The following METTL16 variants were observed in gnomAD, a reference collection of about 807,000 sequenced individuals.
METTL16 encodes methyltransferase 16, RNA N6-adenosine.
METTL16 carries 19 observed loss-of-function variants against 57.9 expected under a neutral mutation model. The ratio of observed to expected loss-of-function variants is 0.33; its 90% CI spans 0.23 to 0.48. The LOEUF is 0.48. METTL16 is among the 20% of genes least tolerant of loss of function. The probability of loss-of-function intolerance (pLI) is 0.99; values close to 1 mark genes in which losing one functional copy is unlikely to be tolerated. For synonymous variants in METTL16, 246 were observed against 255.6 expected (o/e 0.96, Z 0.36); for missense variants, 434 against 691.5 (o/e 0.63, Z 4.18).
At chr17:2,441,149 A>G (rs1372089251) in intron 7 of METTL16, among the ~76,000 whole-genome samples, 3 of 152,186 alleles carry the variant, frequency 2.0e-5, no homozygotes, top group Admixed American at 6.5e-5. Flanking sequence ...TTGTGTCTTC[A>G]GCAACATGGA....
intron 3 of METTL16, 113 bp from the exon 4 acceptor site, chr17:2,473,777 C>CT: frequency 7.8e-6 from 9 of 1,157,722 alleles, no homozygotes; most frequent in African/African-American, 3.1e-5. Context: ...CTCACTCTGT[C>CT]GCCCAGGCTA....
At chr17:2,502,601 T>C (rs569252583) in intron 1 of METTL16, among the ~76,000 whole-genome samples, 21 of 151,978 alleles carry the variant, frequency 1.4e-4, no homozygotes, top group African/African-American at 4.8e-4. Flanking sequence ...GGCAGGAGAA[T>C]TGCTTGAACC....
At chr17:2,492,771 C>G (rs562832229) in intron 2 of METTL16, among the ~76,000 whole-genome samples, 1 of 151,464 alleles carries the variant, frequency 6.6e-6, no homozygotes, top group South Asian at 2.1e-4. Context: ...GTGGTTGGCA[C>G]CTATAATCCC....
chr17:2,446,076 C>G (rs1012458127), intron 6 of METTL16, among the ~76,000 whole-genome samples: 1 of 152,090 alleles, frequency 6.6e-6, no homozygotes, highest in African/African-American at 2.4e-5. Context: ...CAAAACTCAT[C>G]ATTCATGATT....
At chr17:2,453,663 G>C (rs1289517532) in intron 6 of METTL16, among the ~76,000 whole-genome samples, 2 of 152,214 alleles carry the variant, frequency 1.3e-5, no homozygotes, top group Middle Eastern at 3.4e-3. Flanking sequence ...TTGAAACTAG[G>C]TAGTTATCCT....
chr17:2,441,597 T>A (rs747402176), intron 6 of METTL16, 38 bp from the exon 7 acceptor site: 52 of 1,426,136 alleles, frequency 3.6e-5, no homozygotes, highest in Non-Finnish European at 4.5e-5. Context: ...ATACGGTTTA[T>A]GTGGTTAAAA....
At chr17:2,475,634 T>C (rs1251665066) in intron 3 of METTL16, among the ~76,000 whole-genome samples, 1 of 152,246 alleles carries the variant, frequency 6.6e-6, no homozygotes, top group Non-Finnish European at 1.5e-5. Context: ...CAACAGATTC[T>C]CTACTAGTCC....
chr17:2,477,348 C>T, intron 3 of METTL16: 1 of 239,742 alleles, frequency 4.2e-6, no homozygotes, highest in Non-Finnish European at 8.3e-6. Context: ...GTAATGCAGG[C>T]TGAGGATCCC....
intron 8 of METTL16, among the ~76,000 whole-genome samples, chr17:2,428,567 ATATATATATATATATATATAT>A (rs2066841088): frequency 9.3e-5 from 2 of 21,394 alleles, no homozygotes; most frequent in Non-Finnish European, 1.5e-4. Context: ...AAAAAAAAAT[ATATATATATATATATATATAT>A]ATATATATAT....
Position 2,419,570 on chromosome 17 carries a change from C to T in METTL16, c.*400G>A, listed in dbSNP as rs903653660. 1 of 461,380 alleles carries T rather than the reference C, an allele frequency of 2.2e-6. No homozygotes were observed. The highest frequency in any genetic ancestry group is 4.3e-6 in the Non-Finnish European group (1 of 231,234). The allele number at this position is 461,380 out of a possible 1,614,324, so 28.6% of individuals were successfully genotyped here. A position where few individuals can be genotyped will look rare whatever the true frequency, so the allele number is the denominator to read the frequency against. ...CCAGCTGGAGGCAGAGAGAGCCACC[C>T]CTCCTCAAGAAACACCCTTGGGTGA... On this transcript the variant is annotated 3_prime_UTR_variant, in exon 10 of 10. Coordinates refer to ENST00000263092, the MANE Select transcript of METTL16 (RefSeq NM_024086.4).
intron 2 of METTL16, among the ~76,000 whole-genome samples, chr17:2,485,326 A>G (rs78025705): frequency 0.02 from 3,080 of 152,282 alleles, 100 homozygotes; most frequent in African/African-American, 0.07. Flanking sequence ...CTGATTCTAC[A>G]CTATGGTGAG....
At chr17:2,469,777 T>C (rs552196061) in intron 4 of METTL16, among the ~76,000 whole-genome samples, 1 of 152,126 alleles carries the variant, frequency 6.6e-6, no homozygotes, top group Non-Finnish European at 1.5e-5. Flanking sequence ...TGCTTCGGCC[T>C]CCCAAAGAGC....
At chr17:2,452,324 T>C (rs189970802) in intron 6 of METTL16, among the ~76,000 whole-genome samples, 3 of 152,280 alleles carry the variant, frequency 2.0e-5, no homozygotes, top group Non-Finnish European at 4.4e-5. Flanking sequence ...TCATTTCAGA[T>C]TGAATGTCAT....
chr17:2,507,654 T>C (rs2067555467), intron 1 of METTL16, among the ~76,000 whole-genome samples: 1 of 152,134 alleles, frequency 6.6e-6, no homozygotes, highest in Admixed American at 6.5e-5. Flanking sequence ...GAATGGGCCA[T>C]GATGACAATG....
intron 2 of METTL16, among the ~76,000 whole-genome samples, chr17:2,494,792 G>A (rs989669576): frequency 1.3e-5 from 2 of 151,980 alleles, no homozygotes; most frequent in Non-Finnish European, 2.9e-5. Context: ...GAGGTCAGGA[G>A]ATCGAGACCA....
At chr17:2,502,358 A>G (rs1249856076) in intron 1 of METTL16, 27 bp from the exon 2 acceptor site, 1 of 1,607,280 alleles carries the variant, frequency 6.2e-7, no homozygotes, top group Admixed American at 1.7e-5. Flanking sequence ...GAGAAAGAAA[A>G]TCAGCATATT....
chr17:2,451,482 G>T (rs2067069235), intron 6 of METTL16, among the ~76,000 whole-genome samples: 2 of 151,988 alleles, frequency 1.3e-5, no homozygotes, highest in Non-Finnish European at 2.9e-5. Context: ...TTTAGCTGGT[G>T]TGGTGGTGCG....
At chr17:2,456,427 C>T (rs1313235458) in intron 6 of METTL16, among the ~76,000 whole-genome samples, 4 of 152,142 alleles carry the variant, frequency 2.6e-5, no homozygotes, top group African/African-American at 7.2e-5. Context: ...CCTCTGAATG[C>T]CCAATAACAA....
chr17:2,475,571 CAA>C (rs2067263914), intron 3 of METTL16, among the ~76,000 whole-genome samples: 1 of 152,084 alleles, frequency 6.6e-6, no homozygotes, highest in African/African-American at 2.4e-5. Flanking sequence ...TTGTCAGCGC[CAA>C]AAAAAGTTTC....
Sources: gnomAD v4.1 joint callset for allele counts (sites outside exome capture counted in the v4.1 genomes callset) on GRCh38, gnomAD v4.1.1 for gene constraint, MANE v1.5 for transcripts, NCBI Gene and HGNC (gene_info 2026-07-23, HGNC 2026-07-21) for gene names.